SAMD15: variants seen among roughly 807,000 people sequenced by gnomAD.
SAMD15 encodes the protein sterile alpha motif domain-containing protein 15.
A neutral mutation model predicts 50.5 loss-of-function variants in SAMD15; 37 were observed. The ratio of observed to expected loss-of-function variants is 0.73; its 90% CI spans 0.56 to 0.96. The LOEUF (loss-of-function observed/expected upper bound fraction) is 0.96. Ranked by LOEUF, SAMD15 falls within the 40% of genes least tolerant of loss-of-function variation. The probability of loss-of-function intolerance (pLI) is 0.00; values close to 1 mark genes in which losing one functional copy is unlikely to be tolerated. For synonymous variants in SAMD15, 255 were observed against 282.8 expected (o/e 0.90, Z 0.99); for missense variants, 789 against 783.8 (o/e 1.01, Z -0.08).
At chr14:77,387,925 C>A (rs534213228) in intron 2 of SAMD15, among the ~76,000 whole-genome samples, 1 of 152,144 alleles carries the variant, frequency 6.6e-6, no homozygotes, top group Non-Finnish European at 1.5e-5. Context: ...CATCTGTTGT[C>A]CCAGCTACTT....
chr14:77,383,824 T>A (rs574964880), intron 2 of SAMD15, among the ~76,000 whole-genome samples: 1 of 151,808 alleles, frequency 6.6e-6, no homozygotes, highest in Non-Finnish European at 1.5e-5. Flanking sequence ...AATAAAAAAA[T>A]TAGCTAGGCA....
intron 2 of SAMD15, among the ~76,000 whole-genome samples, chr14:77,386,680 T>C (rs934477594): frequency 2.0e-5 from 3 of 152,182 alleles, no homozygotes; most frequent in South Asian, 2.1e-4. Flanking sequence ...ATGGTTCATA[T>C]TTTAACCACA....
In SAMD15 at chr14:77,379,091, G is replaced by C; in HGVS notation, c.1673G>C (p.Gly558Ala). The change falls in exon 1 of 3, where the codon GGC becomes GCC. Residue 558 changes from glycine (G) to alanine (A), a missense_variant. By Grantham distance (60) the Gly-to-Ala change is moderately conservative. Coordinates refer to ENST00000216471, the MANE Select transcript of SAMD15 (RefSeq NM_001010860.4). Reference sequence around the variant, plus strand: ...GTTGCAGAGTGGATTAGCCAGCTAGGCTTCCCTCAATACAAGGTATACAAA... The same window carrying C: ...GTTGCAGAGTGGATTAGCCAGCTAGCCTTCCCTCAATACAAGGTATACAAA... Reference protein sequence around the residue: ...EEVAEWISQLGFPQYKECFIT... With the variant: ...EEVAEWISQLAFPQYKECFIT... 1.2e-6 allele frequency: 2 copies of C among 1,613,286 alleles called. No individual in the cohort carries two copies. The highest frequency in any genetic ancestry group is 1.7e-6 in the Non-Finnish European group (2 of 1,179,512).
chr14:77,385,528 A>G (rs2139651828), intron 2 of SAMD15, among the ~76,000 whole-genome samples: 1 of 152,094 alleles, frequency 6.6e-6, no homozygotes, highest in East Asian at 2.0e-4. Flanking sequence ...ACCTCAGGTG[A>G]TCCGACTGTC....
chr14:77,381,850 T>C (rs1566700683), intron 2 of SAMD15, among the ~76,000 whole-genome samples: 1 of 152,248 alleles, frequency 6.6e-6, no homozygotes. Context: ...ATTATTTCAC[T>C]AATTCCCATT....
At chr14:77,379,222 G>A (rs1893913558) in intron 1 of SAMD15, 115 bp downstream of exon 1, 2 of 953,796 alleles carry the variant, frequency 2.1e-6, no homozygotes, top group Non-Finnish European at 3.2e-6. Context: ...AAAAGTCCTA[G>A]ACTGTGGTAG....
At chr14:77,384,329 T>G (rs756501834) in intron 2 of SAMD15, among the ~76,000 whole-genome samples, 2 of 152,216 alleles carry the variant, frequency 1.3e-5, no homozygotes, top group Non-Finnish European at 2.9e-5. Context: ...GCAGTTAATT[T>G]ATGGCCATTT....
At chr14:77,385,847 A>ATT (rs370327770) in intron 2 of SAMD15, among the ~76,000 whole-genome samples, 57,797 of 130,772 alleles carry the variant, frequency 0.44, 13,315 homozygotes, top group Middle Eastern at 0.61. Context: ...AACATCCTGG[A>ATT]TTTTTTTTTT....
chr14:77,388,603 GT>G (rs112868503), intron 2 of SAMD15, among the ~76,000 whole-genome samples: 7 of 148,870 alleles, frequency 4.7e-5, no homozygotes, highest in Non-Finnish European at 3.0e-5. Context: ...GTAGCAATTT[GT>G]TTTTTTTGTT....
chr14:77,387,509 CATTGATGAACT>C (rs987862712), intron 2 of SAMD15, among the ~76,000 whole-genome samples: 1 of 152,126 alleles, frequency 6.6e-6, no homozygotes, highest in Non-Finnish European at 1.5e-5. Flanking sequence ...CTTCTTGTTT[CATTGATGAACT>C]TCAGACACAC....
chr14:77,383,637 T>TTACG, intron 2 of SAMD15, among the ~76,000 whole-genome samples: 1 of 152,012 alleles, frequency 6.6e-6, no homozygotes, highest in South Asian at 2.1e-4. Flanking sequence ...CATCCAAAGG[T>TTACG]TACGTTAGAT....
chr14:77,380,355 T>C (rs772524248), intron 1 of SAMD15, 28 bp from the exon 2 acceptor site: 12 of 1,433,654 alleles, frequency 8.4e-6, no homozygotes, highest in Non-Finnish European at 1.2e-5. Flanking sequence ...AGTACATTTT[T>C]TAAGTGATGT....
Position 77,391,001 on chromosome 14 carries a change from G to A in SAMD15, c.1789-7G>A, listed in dbSNP as rs542658833. ...AGTCTAATTAAAAATTTATCCTTGC[G>A]TTTCAGGCAATTTCTCGGCATACGC... On this transcript the variant is annotated splice_polypyrimidine_tract_variant and splice_region_variant and intron_variant, in intron 2 of 2. Transcript: ENST00000216471. 3.5e-5 allele frequency: 55 copies of A among 1,580,794 alleles called. No homozygotes were observed. Among genetic ancestry groups the A allele is most frequent in the South Asian group, 2.9e-4 (26 of 88,216 alleles).
At chr14:77,382,786 G>C (rs1276940780) in intron 2 of SAMD15, among the ~76,000 whole-genome samples, 2 of 152,074 alleles carry the variant, frequency 1.3e-5, no homozygotes, top group Non-Finnish European at 2.9e-5. Flanking sequence ...CTCGATTTCA[G>C]CTCACGGCAA....
At chr14:77,383,278 G>A (rs1362204141) in intron 2 of SAMD15, among the ~76,000 whole-genome samples, 2 of 152,114 alleles carry the variant, frequency 1.3e-5, no homozygotes, top group Non-Finnish European at 2.9e-5. Context: ...TAGCAAAATA[G>A]TAACCTGTCA....
chr14:77,377,638 A>T lies in SAMD15; in HGVS notation c.220A>T (p.Asn74Tyr), dbSNP rs771051142. The change falls in exon 1 of 3, where the codon AAC becomes TAC. Residue 74 changes from asparagine to tyrosine, a missense_variant. Transcript: ENST00000216471. ...FKEGEPDSAKNVQLKPGGTSQ... is the reference protein window; with the variant it reads ...FKEGEPDSAKYVQLKPGGTSQ... ...AGAGGGGGAGCCAGACAGTGCTAAG[A>T]ACGTGCAGCTGAAACCTGGCGGGAC... 25 of 1,614,074 alleles carry T rather than the reference A, an allele frequency of 1.5e-5. No homozygotes were observed. Among genetic ancestry groups the T allele is most frequent in the Non-Finnish European group, 2.1e-5 (25 of 1,180,048 alleles).
chr14:77,378,969 C>T lies in SAMD15; in HGVS notation c.1551C>T (p.Ser517=). The T allele has an allele frequency of 6.2e-7, 1 of 1,614,050 alleles. No homozygotes were observed. The highest frequency in any genetic ancestry group is 8.5e-7 in the Non-Finnish European group (1 of 1,180,022). ...FVHEKEVVDL[S]QELKERVSED... is the part of the protein sequence containing the mutation. ...ATGAAAAGGAAGTTGTAGATTTGTC[C>T]CAAGAGTTGAAGGAACGGGTCTCTG... The change falls in exon 1 of 3, where the codon TCC becomes TCT. Residue 517 remains serine (S), a synonymous_variant. Coordinates refer to ENST00000216471, the MANE Select transcript of SAMD15 (RefSeq NM_001010860.4).
At chr14:77,383,683 C>G (rs1033903753) in intron 2 of SAMD15, among the ~76,000 whole-genome samples, 7 of 152,050 alleles carry the variant, frequency 4.6e-5, no homozygotes, top group African/African-American at 7.2e-5. Context: ...CATGAAAAAG[C>G]TGATTATGGC....
intron 2 of SAMD15, among the ~76,000 whole-genome samples, chr14:77,382,270 G>A (rs1388777198): frequency 4.6e-5 from 7 of 151,728 alleles, no homozygotes; most frequent in South Asian, 2.1e-4. Flanking sequence ...GACTACAGGC[G>A]CGTGGCACCA....
Sources: allele counts gnomAD v4.1 joint callset (sites outside exome capture counted in the v4.1 genomes callset), GRCh38; gene constraint gnomAD v4.1.1; transcripts MANE v1.5; gene names NCBI Gene and HGNC (gene_info 2026-07-23, HGNC 2026-07-21).